Variants in SLC25A21 observed in about 807,000 individuals in gnomAD.
The protein encoded by SLC25A21 is solute carrier family 25 member 21.
In SLC25A21, 47 loss-of-function variants were observed where a neutral mutation model predicts 43.8. The observed-to-expected ratio is 1.07, with a 90% CI of 0.85 to 1.37. SLC25A21 has a LOEUF of 1.37. Among genes scored for constraint, SLC25A21 ranks in the 40% most tolerant of loss-of-function variants. The pLI, the probability that SLC25A21 is intolerant of heterozygous loss-of-function variation, is 0.00. For synonymous variants in SLC25A21, 131 were observed against 121.3 expected, an observed-to-expected ratio of 1.08 and a Z score of -0.52; for missense variants, 352 against 350.2, an observed-to-expected ratio of 1.00 and a Z score of -0.04.
At chr14:36,994,132 A>T (rs1253859744) in intron 1 of SLC25A21, among the ~76,000 whole-genome samples, 2 of 152,196 alleles carry the variant, frequency 1.3e-5, no homozygotes, top group Non-Finnish European at 2.9e-5. Flanking sequence ...CTGAGTGATG[A>T]TTAGTAAATT....
chr14:36,798,128 G>A (rs1887737843), intron 3 of SLC25A21, among the ~76,000 whole-genome samples: 1 of 152,126 alleles, frequency 6.6e-6, no homozygotes, highest in Non-Finnish European at 1.5e-5. Flanking sequence ...TAGCGCCTTG[G>A]TGTCCTCTTA....
intron 1 of SLC25A21, among the ~76,000 whole-genome samples, chr14:37,028,103 C>T (rs1213682993): frequency 2.0e-5 from 3 of 151,990 alleles, no homozygotes; most frequent in Admixed American, 1.3e-4. Flanking sequence ...TATCCAAATT[C>T]TTAAATAACT....
Position 36,679,366 on chromosome 14 carries a change from T to A in SLC25A21, c.*1292A>T. 1 of 975,772 alleles carries A rather than the reference T, an allele frequency of 1.0e-6. No individual in the cohort carries two copies. Among genetic ancestry groups the A allele is most frequent in the Non-Finnish European group, 1.2e-6 (1 of 821,244 alleles). 60.4% of individuals were successfully genotyped at this position (975,772 alleles called of 1,614,324 possible). On this transcript the variant is annotated 3_prime_UTR_variant, in exon 10 of 10. Coordinates refer to ENST00000331299, the MANE Select transcript of SLC25A21 (RefSeq NM_030631.4). ...AATTAATAAAAAGTAATAATTACCA[T>A]GTTATCTTTTACTTTTTATTTTCAA... is the stretch of plus-strand genomic sequence containing the variant.
chr14:36,810,718 G>T (rs1018295343), intron 3 of SLC25A21, among the ~76,000 whole-genome samples: 1 of 152,114 alleles, frequency 6.6e-6, no homozygotes, highest in Non-Finnish European at 1.5e-5. Flanking sequence ...CATACTTACT[G>T]AGTGTCTCTA....
intron 1 of SLC25A21, among the ~76,000 whole-genome samples, chr14:36,914,477 T>C (rs1310936714): frequency 2.6e-5 from 4 of 152,204 alleles, no homozygotes; most frequent in Admixed American, 2.0e-4. Context: ...CAGGAGACTT[T>C]TGTATTTTAA....
At chr14:36,766,470 T>C (rs1886420063) in intron 3 of SLC25A21, among the ~76,000 whole-genome samples, 1 of 152,168 alleles carries the variant, frequency 6.6e-6, no homozygotes, top group Non-Finnish European at 1.5e-5. Flanking sequence ...TCAAATGCCT[T>C]TGATGGCTGC....
At chr14:37,166,509 G>A (rs1033459360) in intron 1 of SLC25A21, among the ~76,000 whole-genome samples, 3 of 152,166 alleles carry the variant, frequency 2.0e-5, no homozygotes, top group South Asian at 2.1e-4. Flanking sequence ...CAGTTTCTTC[G>A]TCTGTAAGTG....
intron 1 of SLC25A21, among the ~76,000 whole-genome samples, chr14:36,943,892 C>A (rs1425911700): frequency 6.6e-6 from 1 of 152,042 alleles, no homozygotes; most frequent in East Asian, 1.9e-4. Flanking sequence ...ACATATTTCC[C>A]TGTAACAAGT....
Position 36,884,917 on chromosome 14 carries a change from GT to G in SLC25A21, c.71-9914del, listed in dbSNP as rs555416922. On this transcript the variant is annotated intron_variant, in intron 1 of 9. Transcript: ENST00000331299. Reference sequence around the variant, plus strand: ...GCAAGTATTTTCTCCGAACCCATGGGTTGTCTATTCACTCTCTTAATAATGC... The same window carrying G: ...GCAAGTATTTTCTCCGAACCCATGGGTGTCTATTCACTCTCTTAATAATGC... 4.5e-3 allele frequency among the ~76,000 whole-genome samples: 691 copies of G among 152,216 alleles called. 1 individual carries two copies. Among genetic ancestry groups the G allele is most frequent in the Non-Finnish European group, 7.4e-3 (506 of 67,996 alleles).
At chr14:37,121,944 A>G (rs1227911132) in intron 1 of SLC25A21, among the ~76,000 whole-genome samples, 1 of 143,414 alleles carries the variant, frequency 7.0e-6, no homozygotes, top group Non-Finnish European at 1.5e-5. Flanking sequence ...AGTGTCCCCT[A>G]ATGCCCAGAG....
At chr14:37,163,192 G>C (rs1055589202) in intron 1 of SLC25A21, among the ~76,000 whole-genome samples, 3 of 151,882 alleles carry the variant, frequency 2.0e-5, no homozygotes, top group African/African-American at 7.3e-5. Flanking sequence ...CCTAATGCTA[G>C]ATGACGAGTT....
At chr14:37,040,573 G>A (rs940287889) in intron 1 of SLC25A21, among the ~76,000 whole-genome samples, 1 of 151,726 alleles carries the variant, frequency 6.6e-6, no homozygotes, top group East Asian at 1.9e-4. Flanking sequence ...ATTATATCGT[G>A]AGACTTATTG....
At chr14:36,707,808 G>C (rs1225936617) in intron 7 of SLC25A21, among the ~76,000 whole-genome samples, 1 of 152,194 alleles carries the variant, frequency 6.6e-6, no homozygotes, top group Non-Finnish European at 1.5e-5. Context: ...GATTACAGTG[G>C]AATTTATTCA....
Position 36,680,010 on chromosome 14 carries a change from T to A in SLC25A21, c.*648A>T, listed in dbSNP as rs1882142408. 1.2e-6 allele frequency: 1 copy of A among 864,052 alleles called. No homozygotes were observed. Among genetic ancestry groups the A allele is most frequent in the African/African-American group, 1.8e-5 (1 of 54,382 alleles). The allele number at this position is 864,052 out of a possible 1,614,324, so 53.5% of individuals were successfully genotyped here. ...GTTTTAAAATACCTATTTATTATCT[T>A]ACAGCAATATGAGATATAAAGTAGA... On this transcript the variant is annotated 3_prime_UTR_variant, in exon 10 of 10. Coordinates refer to ENST00000331299, the MANE Select transcript of SLC25A21 (RefSeq NM_030631.4).
At chr14:36,760,334 A>AGGAAGGAAGGAAGGAAGGAC (rs1389097055) in intron 3 of SLC25A21, among the ~76,000 whole-genome samples, 20 of 50,676 alleles carry the variant, frequency 3.9e-4, no homozygotes, top group African/African-American at 1.4e-3. Context: ...GCTAGGCAGA[A>AGGAAGGAAGGAAGGAAGGAC]GGAAGGAAGG....
chr14:36,929,475 TG>T (rs751989442), intron 1 of SLC25A21, among the ~76,000 whole-genome samples: 1 of 152,168 alleles, frequency 6.6e-6, no homozygotes, highest in African/African-American at 2.4e-5. Context: ...ACATTGCAAT[TG>T]TTTTTTTGTT....
At chr14:36,716,448 T>C (rs545670919) in intron 6 of SLC25A21, among the ~76,000 whole-genome samples, 5 of 152,236 alleles carry the variant, frequency 3.3e-5, no homozygotes, top group Non-Finnish European at 7.3e-5. Flanking sequence ...TGTGAGATGA[T>C]ACATATGTTA....
At chr14:37,025,847 T>C (rs1392128271) in intron 1 of SLC25A21, among the ~76,000 whole-genome samples, 1 of 152,152 alleles carries the variant, frequency 6.6e-6, no homozygotes, top group Admixed American at 6.6e-5. Flanking sequence ...AGTTTTGTTT[T>C]CTTTTTTCTT....
intron 3 of SLC25A21, 130 bp downstream of exon 3, chr14:36,813,788 A>T: frequency 1.5e-6 from 1 of 653,580 alleles, no homozygotes; most frequent in Non-Finnish European, 2.6e-6. Context: ...ATTAGGAAAA[A>T]CATAACAAAG....
Sources: gnomAD v4.1 joint callset for allele counts (sites outside exome capture counted in the v4.1 genomes callset) on GRCh38, gnomAD v4.1.1 for gene constraint, MANE v1.5 for transcripts, NCBI Gene and HGNC (gene_info 2026-07-23, HGNC 2026-07-21) for gene names.